Variants in PTH2R observed in about 807,000 individuals in gnomAD.
PTH2R encodes parathyroid hormone 2 receptor.
A neutral mutation model predicts 60.3 loss-of-function variants in PTH2R; 59 were observed. The ratio of observed to expected loss-of-function variants is 0.98; its 90% CI spans 0.79 to 1.22. The LOEUF (loss-of-function observed/expected upper bound fraction) is 1.22. Ranked by LOEUF, PTH2R falls within the 50% of genes most tolerant of loss-of-function variation. The probability of loss-of-function intolerance (pLI) is 0.00; values close to 1 mark genes in which losing one functional copy is unlikely to be tolerated. For synonymous variants in PTH2R, 256 were observed against 243.8 expected (o/e 1.05, Z -0.47); for missense variants, 749 against 682.6 (o/e 1.10, Z -1.08).
Position 208,407,000 on chromosome 2 carries a change from G to T in PTH2R, c.-44G>T, listed in dbSNP as rs751908856. The T allele has an allele frequency of 4.4e-6, 6 of 1,356,298 alleles. No individual in the cohort carries two copies. In the Admixed American group the frequency reaches 1.8e-4, roughly 41 times the overall value. The allele number at this position is 1,356,298 out of a possible 1,614,324, so 84.0% of individuals were successfully genotyped here. On this transcript the variant is annotated 5_prime_UTR_variant, in exon 1 of 13. Coordinates refer to ENST00000272847, the MANE Select transcript of PTH2R (RefSeq NM_005048.4). ...TTGGCAACTTGGAAGCTTCTCCCGG[G>T]CTCTGGAGGAGGGTCCCTGCTTCTT... is the stretch of plus-strand genomic sequence containing the variant.
intron 2 of PTH2R, among the ~76,000 whole-genome samples, chr2:208,434,649 A>T (rs1405285085): frequency 6.6e-6 from 1 of 152,204 alleles, no homozygotes; most frequent in Non-Finnish European, 1.5e-5. Context: ...ACCGAGAAAT[A>T]AGAATGTGTG....
chr2:208,360,171 TTTCTC>T (rs747498085), exon 1 of PTH2R: 5 of 455,036 alleles, frequency 1.1e-5, no homozygotes, highest in South Asian at 4.7e-5. Context: ...TGCTTTTTCT[TTTCTC>T]TTCTTTTTCT....
chr2:208,380,503 T>C (rs1471783306), intron 1 of PTH2R, among the ~76,000 whole-genome samples: 1 of 152,168 alleles, frequency 6.6e-6, no homozygotes, highest in Non-Finnish European at 1.5e-5. Context: ...TATCATACAA[T>C]GTCTTGCCTA....
chr2:208,429,708 GCAAT>G (rs1282116797), intron 2 of PTH2R, among the ~76,000 whole-genome samples: 4 of 152,028 alleles, frequency 2.6e-5, no homozygotes, highest in South Asian at 2.1e-4. Flanking sequence ...GCATTGTTGT[GCAAT>G]CAGTCTCCAG....
At chr2:208,484,713 T>A (rs896650882) in intron 10 of PTH2R, among the ~76,000 whole-genome samples, 6 of 152,204 alleles carry the variant, frequency 3.9e-5, no homozygotes, top group Admixed American at 1.3e-4. Flanking sequence ...TTTATTTTTT[T>A]AAAATAAATC....
intron 1 of PTH2R, among the ~76,000 whole-genome samples, chr2:208,369,459 C>T (rs182600581): frequency 1.5e-4 from 23 of 151,606 alleles, no homozygotes; most frequent in African/African-American, 4.6e-4. Context: ...CTCCACCTTC[C>T]GGTTCAAGCG....
rs1702229172 is a variant in PTH2R, at chr2:208,443,488, A to G, written c.650A>G (p.Asp217Gly). ...VKELESLIMQ[D>G]DPQNSIEATS... is the part of the protein sequence containing the mutation. ...GAGCTGGAGTCCCTAATAATGCAGG[A>G]TGACCCACAAAATTCCATTGAGGCA... is the stretch of plus-strand genomic sequence containing the variant. The change falls in exon 6 of 13, where the codon GAT (aspartate) becomes GGT (glycine). Residue 217 changes from aspartate to glycine, a missense_variant. Coordinates refer to ENST00000272847, the MANE Select transcript of PTH2R (RefSeq NM_005048.4). 1 of 1,612,896 alleles carries G rather than the reference A, an allele frequency of 6.2e-7. No individual in the cohort carries two copies. Among genetic ancestry groups the G allele is most frequent in the Non-Finnish European group, 8.5e-7 (1 of 1,179,606 alleles).
chr2:208,442,292 G>T, intron 4 of PTH2R, 72 bp from the exon 5 acceptor site: 1 of 1,087,392 alleles, frequency 9.2e-7, no homozygotes, highest in South Asian at 1.3e-5. Flanking sequence ...TTCCAAAAAT[G>T]ACATACTATT....
chr2:208,459,522 C>T (rs1318794650), intron 8 of PTH2R, among the ~76,000 whole-genome samples: 1 of 152,050 alleles, frequency 6.6e-6, no homozygotes, highest in East Asian at 1.9e-4. Context: ...AGAGAACTTT[C>T]TTTATCAGTG....
chr2:208,390,934 G>A (rs1182855686), intron 1 of PTH2R, among the ~76,000 whole-genome samples: 2 of 152,190 alleles, frequency 1.3e-5, no homozygotes, highest in Non-Finnish European at 1.5e-5. Flanking sequence ...TTTTTTCACA[G>A]ATATTCAGGT....
intron 1 of PTH2R, among the ~76,000 whole-genome samples, chr2:208,419,748 CA>C (rs1701713897): frequency 2.6e-5 from 4 of 152,140 alleles, no homozygotes; most frequent in Admixed American, 2.6e-4. Context: ...TATGGCTAGC[CA>C]GTTTTCCCAG....
rs889377678 is a variant in PTH2R at position 208,493,740 on chromosome 2, A to G, written c.*81A>G. 9 of 1,421,714 alleles carry G rather than the reference A, an allele frequency of 6.3e-6. No individual in the cohort carries two copies. The African/African-American group carries it at 1.1e-4, about 18-fold the overall frequency. 88.1% of individuals were successfully genotyped at this position (1,421,714 alleles called of 1,614,324 possible). On this transcript the variant is annotated 3_prime_UTR_variant, in exon 13 of 13. Coordinates refer to ENST00000272847, the MANE Select transcript of PTH2R (RefSeq NM_005048.4). The stretch of plus-strand genomic sequence containing the variant: ...GGCTTGGCTGATACTCCTATGCTTG[A>G]GTTCAAAGGCTGAAAATTCAGTTAA...
chr2:208,448,383 G>A (rs762520557), intron 7 of PTH2R, among the ~76,000 whole-genome samples: 3 of 151,600 alleles, frequency 2.0e-5, no homozygotes, highest in Admixed American at 1.3e-4. Context: ...TTGTATTGAC[G>A]TGTCTTATGA....
chr2:208,376,912 T>A (rs2125873473), intron 1 of PTH2R, among the ~76,000 whole-genome samples: 1 of 152,056 alleles, frequency 6.6e-6, no homozygotes, highest in Non-Finnish European at 1.5e-5. Context: ...CTTGGGTGTT[T>A]CTCGCAGAGG....
chr2:208,434,466 T>C (rs1445155168), intron 2 of PTH2R, among the ~76,000 whole-genome samples: 2 of 152,152 alleles, frequency 1.3e-5, no homozygotes, highest in African/African-American at 4.8e-5. Flanking sequence ...TTGGGCAGCA[T>C]GTGTGAAGCA....
intron 1 of PTH2R, among the ~76,000 whole-genome samples, chr2:208,410,087 A>G (rs1701508890): frequency 6.6e-6 from 1 of 152,194 alleles, no homozygotes; most frequent in Admixed American, 6.5e-5. Context: ...AAAAATGGCC[A>G]GGTCTTAGAA....
chr2:208,431,855 G>A (rs1050343634), intron 2 of PTH2R, among the ~76,000 whole-genome samples: 3 of 152,166 alleles, frequency 2.0e-5, no homozygotes, highest in Non-Finnish European at 4.4e-5. Context: ...CAAATGTAGA[G>A]CTTGCTGCTC....
chr2:208,475,910 A>G (rs1278633198), intron 9 of PTH2R, among the ~76,000 whole-genome samples: 1 of 152,170 alleles, frequency 6.6e-6, no homozygotes, highest in East Asian at 1.9e-4. Context: ...TCAAATTTGA[A>G]TATTGAATGA....
At chr2:208,450,850 T>G (rs1486298963) in intron 8 of PTH2R, 41 bp downstream of exon 8, 3 of 1,591,188 alleles carry the variant, frequency 1.9e-6, no homozygotes, top group Non-Finnish European at 2.6e-6. Context: ...CCTCAGATGT[T>G]CTCAAGACTC....
Sources: allele counts gnomAD v4.1 joint callset (sites outside exome capture counted in the v4.1 genomes callset), GRCh38; gene constraint gnomAD v4.1.1; transcripts MANE v1.5; gene names NCBI Gene and HGNC (gene_info 2026-07-23, HGNC 2026-07-21).